Variants in ATXN7L1 observed in about 807,000 individuals in gnomAD.
ATXN7L1 encodes ataxin-7-like protein 1.
Under a neutral mutation model 70.8 loss-of-function variants are expected in ATXN7L1, and 15 were observed. The observed-to-expected ratio is 0.21, with a 90% CI of 0.14 to 0.33. The LOEUF (loss-of-function observed/expected upper bound fraction) is 0.33. Among genes scored for constraint, ATXN7L1 ranks in the 10% least tolerant of loss-of-function variants. ATXN7L1 has a pLI of 1.00. For missense variants in ATXN7L1, 975 were observed against 1,097.1 expected, an observed-to-expected ratio of 0.89 and a Z score of 1.57; for synonymous variants, 440 against 445.1, an observed-to-expected ratio of 0.99 and a Z score of 0.14.
intron 3 of ATXN7L1, chr7:105,677,821 C>T (rs2116141678): frequency 3.6e-6 from 2 of 553,852 alleles, no homozygotes; most frequent in South Asian, 7.9e-5. Flanking sequence ...AGAGAGGCCA[C>T]CACTGCTTTA....
intron 2 of ATXN7L1, among the ~76,000 whole-genome samples, chr7:105,800,188 A>G (rs1330856857): frequency 6.6e-6 from 1 of 152,208 alleles, no homozygotes; most frequent in African/African-American, 2.4e-5. Context: ...CAAGTCAAGC[A>G]TGAAACTAGT....
chr7:105,723,430 GTTA>G (rs1230336420), intron 3 of ATXN7L1, among the ~76,000 whole-genome samples: 2 of 152,162 alleles, frequency 1.3e-5, no homozygotes, highest in African/African-American at 4.8e-5. Flanking sequence ...GATAGCAGCT[GTTA>G]TTATTATAAA....
At chr7:105,699,642 C>A (rs916270835) in intron 3 of ATXN7L1, among the ~76,000 whole-genome samples, 3 of 152,164 alleles carry the variant, frequency 2.0e-5, no homozygotes, top group African/African-American at 7.2e-5. Flanking sequence ...AGATGAGACA[C>A]AAGTTCCCAA....
chr7:105,722,803 C>T (rs569104702), intron 3 of ATXN7L1, among the ~76,000 whole-genome samples: 24 of 151,288 alleles, frequency 1.6e-4, no homozygotes, highest in Admixed American at 7.9e-4. Flanking sequence ...AGGAATTGCT[C>T]GAACCAGGGA....
At chr7:105,815,137 TCC>T (rs1386697165) in intron 2 of ATXN7L1, among the ~76,000 whole-genome samples, 1 of 152,158 alleles carries the variant, frequency 6.6e-6, no homozygotes, top group Non-Finnish European at 1.5e-5. Context: ...GGTGTTCATT[TCC>T]TCTCTCTCAG....
At chr7:105,742,402 T>G (rs955070714) in intron 3 of ATXN7L1, among the ~76,000 whole-genome samples, 12 of 152,222 alleles carry the variant, frequency 7.9e-5, no homozygotes, top group Non-Finnish European at 1.5e-4. Flanking sequence ...AAGCTTAACA[T>G]ATGTGAGGCA....
At chr7:105,778,139 G>T (rs973574876) in intron 3 of ATXN7L1, among the ~76,000 whole-genome samples, 1 of 152,154 alleles carries the variant, frequency 6.6e-6, no homozygotes, top group African/African-American at 2.4e-5. Flanking sequence ...TGACTCTGGA[G>T]AATGTAATCC....
rs539238752 is a variant in ATXN7L1, at chr7:105,819,775, C to G, written c.251-31067G>C. 3.2e-4 allele frequency: 222 copies of G among 694,976 alleles called. 2 individuals are homozygous for G. Among genetic ancestry groups the G allele is most frequent in the South Asian group, 2.9e-3 (208 of 72,292 alleles). 43.1% of individuals were successfully genotyped at this position (694,976 alleles called of 1,614,324 possible). On this transcript the variant is annotated intron_variant, in intron 2 of 11. Transcript: ENST00000419735. ...GTTGCCCCACAAGACAAAGCAAGGC[C>G]GGGCCGCCCTGGAGCGCCTCAAGGT...
chr7:105,825,970 C>T (rs1040303447), intron 2 of ATXN7L1, among the ~76,000 whole-genome samples: 3 of 152,142 alleles, frequency 2.0e-5, no homozygotes, highest in African/African-American at 4.8e-5. Context: ...AGATGTGTGA[C>T]AGCCAAACCC....
chr7:105,679,100 G>C (rs1244380236), intron 3 of ATXN7L1: 1 of 986,074 alleles, frequency 1.0e-6, no homozygotes, highest in Non-Finnish European at 1.2e-6. Context: ...GCTGACACAC[G>C]CTGGGCAACG....
chr7:105,739,551 C>G (rs1311015097), intron 3 of ATXN7L1, among the ~76,000 whole-genome samples: 2 of 152,182 alleles, frequency 1.3e-5, no homozygotes, highest in South Asian at 2.1e-4. Flanking sequence ...TCTCTAGAAA[C>G]TGGTGGAGTG....
intron 3 of ATXN7L1, among the ~76,000 whole-genome samples, chr7:105,773,207 A>C (rs995346670): frequency 6.6e-6 from 1 of 152,230 alleles, no homozygotes; most frequent in South Asian, 2.1e-4. Context: ...GGAAACTCCC[A>C]GACCATTGTA....
intron 2 of ATXN7L1, among the ~76,000 whole-genome samples, chr7:105,833,932 T>A (rs1563130123): frequency 6.6e-6 from 1 of 152,268 alleles, no homozygotes; most frequent in Non-Finnish European, 1.5e-5. Flanking sequence ...AATATTTTTA[T>A]AATAAAATGT....
intron 3 of ATXN7L1, among the ~76,000 whole-genome samples, chr7:105,672,795 A>G (rs563920571): frequency 1.6e-4 from 25 of 152,360 alleles, no homozygotes; most frequent in African/African-American, 6.0e-4. Flanking sequence ...AGGGAGAGGA[A>G]GAAACACTTT....
intron 3 of ATXN7L1, among the ~76,000 whole-genome samples, chr7:105,720,600 AT>A (rs1485399620): frequency 6.6e-6 from 1 of 152,088 alleles, no homozygotes; most frequent in Admixed American, 6.6e-5. Flanking sequence ...TAAAAAAATT[AT>A]TGTAGAGATG....
At chr7:105,828,610 C>T (rs1811186225) in intron 2 of ATXN7L1, among the ~76,000 whole-genome samples, 1 of 152,184 alleles carries the variant, frequency 6.6e-6, no homozygotes. Context: ...TACTCTATGC[C>T]AACTACTGTA....
intron 2 of ATXN7L1, among the ~76,000 whole-genome samples, chr7:105,796,821 C>A (rs1412975997): frequency 2.3e-4 from 35 of 152,128 alleles, no homozygotes; most frequent in Admixed American, 2.2e-3. Flanking sequence ...TTTGCTCTGA[C>A]AGAATGATTT....
chr7:105,649,545 C>T, intron 4 of ATXN7L1: 1 of 987,870 alleles, frequency 1.0e-6, no homozygotes, highest in Non-Finnish European at 1.2e-6. Context: ...AGATTCCCCT[C>T]CCTGCCCAGT....
intron 3 of ATXN7L1, among the ~76,000 whole-genome samples, chr7:105,707,832 A>G (rs867042838): frequency 3.7e-4 from 57 of 152,188 alleles, no homozygotes; most frequent in African/African-American, 1.3e-3. Context: ...ATTGCCCATC[A>G]CTCTGATTTA....
Sources: allele counts gnomAD v4.1 joint callset (sites outside exome capture counted in the v4.1 genomes callset), GRCh38; gene constraint gnomAD v4.1.1; transcripts MANE v1.5; gene names NCBI Gene and HGNC (gene_info 2026-07-23, HGNC 2026-07-21).